GALNTL6: variants seen among roughly 807,000 people sequenced by gnomAD.
GALNTL6 encodes polypeptide N-acetylgalactosaminyltransferase like 6.
A neutral mutation model predicts 73.7 loss-of-function variants in GALNTL6; 46 were observed. That is an observed-to-expected ratio of 0.62 (90% confidence interval 0.49 to 0.80). The LOEUF (loss-of-function observed/expected upper bound fraction) is 0.80, where lower values mean the gene tolerates loss of function less well. Ranked by LOEUF, GALNTL6 falls within the 30% of genes least tolerant of loss-of-function variation. The pLI is 0.00. For synonymous variants in GALNTL6, 259 were observed against 263.7 expected, an observed-to-expected ratio of 0.98 and a Z score of 0.17; for missense variants, 604 against 755.0, an observed-to-expected ratio of 0.80 and a Z score of 2.34.
At chr4:172,849,335 C>T (rs956236647) in intron 7 of GALNTL6, among the ~76,000 whole-genome samples, 17 of 152,004 alleles carry the variant, frequency 1.1e-4, no homozygotes, top group African/African-American at 4.1e-4. Context: ...AGGTGCACCT[C>T]AGAAAATAAC....
At position 172,613,632 on chromosome 4, in the gene GALNTL6, T is replaced by G. The variant is rs917397547; in HGVS notation, c.554-195729T>G. ...CTATGATTAATATTTCAGCAAAATG[T>G]GTTTTTTGGAATTTATAAATATTAT... is the stretch of plus-strand genomic sequence containing the variant. On this transcript the variant is annotated intron_variant, in intron 5 of 12. Coordinates refer to ENST00000506823, the MANE Select transcript of GALNTL6 (RefSeq NM_001034845.3). Among the ~76,000 whole-genome samples the G allele has an allele frequency of 3.9e-4, 59 of 152,276 alleles. 1 individual carries two copies. The highest frequency in any genetic ancestry group is 1.5e-4 in the Non-Finnish European group (10 of 67,996).
chr4:172,357,884 A>G (rs1742222935), intron 5 of GALNTL6, among the ~76,000 whole-genome samples: 1 of 152,144 alleles, frequency 6.6e-6, no homozygotes, highest in Non-Finnish European at 1.5e-5. Flanking sequence ...CTTCTGCAAA[A>G]TTATTAAGTC....
intron 7 of GALNTL6, among the ~76,000 whole-genome samples, chr4:172,859,062 A>G (rs1744261360): frequency 6.6e-6 from 1 of 151,462 alleles, no homozygotes; most frequent in Non-Finnish European, 1.5e-5. Flanking sequence ...AAAAAAAACA[A>G]TGATAAAGGA....
At chr4:173,027,399 T>G (rs924863657) in intron 12 of GALNTL6, among the ~76,000 whole-genome samples, 1 of 152,256 alleles carries the variant, frequency 6.6e-6, no homozygotes, top group Non-Finnish European at 1.5e-5. Context: ...CACCATTTAT[T>G]TAAAAGACCA....
In GALNTL6 at chr4:172,522,677, C is replaced by A. The variant is rs1358663744; in HGVS notation, c.553+173988C>A. Among the ~76,000 whole-genome samples the A allele has an allele frequency of 8.6e-5, 7 of 81,014 alleles. No homozygotes were observed. The South Asian group carries it at 1.9e-3, about 22-fold the overall frequency. 53.1% of individuals were successfully genotyped at this position (81,014 alleles called of 152,430 possible). ...GAGTGAAACTCAGTCCCCCCCCCCCCCAAAAAAAAAGTGTATTTTACTGTA... is the reference window on the plus strand; with the variant it reads ...GAGTGAAACTCAGTCCCCCCCCCCCACAAAAAAAAAGTGTATTTTACTGTA... On this transcript the variant is annotated intron_variant, in intron 5 of 12. Transcript: ENST00000506823.
intron 3 of GALNTL6, among the ~76,000 whole-genome samples, chr4:172,280,749 C>A (rs1442675010): frequency 1.3e-5 from 2 of 151,988 alleles, no homozygotes; most frequent in Non-Finnish European, 2.9e-5. Context: ...TATACACCAA[C>A]CATAAACTGA....
rs77470069 is a variant in GALNTL6 at position 172,937,052 on chromosome 4, G to C, written c.1149+5784G>C. On this transcript the variant is annotated intron_variant, in intron 9 of 12. Coordinates refer to ENST00000506823, the MANE Select transcript of GALNTL6 (RefSeq NM_001034845.3). Reference sequence around the variant, plus strand: ...TTTAGCAGAGTACCAAGTAGAAATGGGCAGGCAGAGAGTTACGGAGGGTGT... The same window carrying C: ...TTTAGCAGAGTACCAAGTAGAAATGCGCAGGCAGAGAGTTACGGAGGGTGT... 2.4e-3 allele frequency among the ~76,000 whole-genome samples: 364 copies of C among 151,962 alleles called. 1 individual carries two copies. Among genetic ancestry groups the C allele is most frequent in the African/African-American group, 8.4e-3 (346 of 41,424 alleles).
chr4:172,675,807 C>G (rs994399095), intron 5 of GALNTL6, among the ~76,000 whole-genome samples: 1 of 152,156 alleles, frequency 6.6e-6, no homozygotes, highest in Non-Finnish European at 1.5e-5. Flanking sequence ...AATAAGGAAT[C>G]ACTATGCCCT....
intron 2 of GALNTL6, among the ~76,000 whole-genome samples, chr4:171,990,747 A>G (rs1048904000): frequency 1.3e-5 from 2 of 152,250 alleles, no homozygotes; most frequent in South Asian, 2.1e-4. Context: ...GAAACAATGC[A>G]TCTTTTATAA....
intron 5 of GALNTL6, among the ~76,000 whole-genome samples, chr4:172,765,386 A>G (rs139803063): frequency 3.9e-5 from 6 of 152,334 alleles, no homozygotes; most frequent in Non-Finnish European, 7.4e-5. Context: ...AAATTACTAT[A>G]TGAATCCCAA....
chr4:172,022,133 A>G (rs1366822327), intron 2 of GALNTL6, among the ~76,000 whole-genome samples: 10 of 152,022 alleles, frequency 6.6e-5, no homozygotes, highest in Admixed American at 5.9e-4. Context: ...GAAACAATCA[A>G]TAAGGTGAAG....
intron 3 of GALNTL6, among the ~76,000 whole-genome samples, chr4:172,273,232 A>G (rs1291354557): frequency 6.6e-6 from 1 of 152,160 alleles, no homozygotes; most frequent in Admixed American, 6.6e-5. Context: ...TTTTTAAAAA[A>G]TATAATATAT....
At chr4:172,071,991 A>G (rs903596200) in intron 2 of GALNTL6, among the ~76,000 whole-genome samples, 1 of 152,172 alleles carries the variant, frequency 6.6e-6, no homozygotes, top group Non-Finnish European at 1.5e-5. Context: ...TTGGCTTCCA[A>G]GATGGTTACT....
intron 4 of GALNTL6, among the ~76,000 whole-genome samples, chr4:172,331,529 A>G (rs1561029740): frequency 6.6e-6 from 1 of 152,210 alleles, no homozygotes; most frequent in Non-Finnish European, 1.5e-5. Context: ...GTTGATTAGT[A>G]GCTTCCCAGC....
intron 5 of GALNTL6, among the ~76,000 whole-genome samples, chr4:172,803,038 T>A (rs1173232038): frequency 6.6e-6 from 1 of 152,236 alleles, no homozygotes; most frequent in Non-Finnish European, 1.5e-5. Flanking sequence ...TGAGTTGGTC[T>A]GGCAATATTT....
chr4:172,558,708 T>G (rs1425543869), intron 5 of GALNTL6, among the ~76,000 whole-genome samples: 1 of 152,176 alleles, frequency 6.6e-6, no homozygotes, highest in Non-Finnish European at 1.5e-5. Flanking sequence ...AGTATATGCT[T>G]GTCAAAACTT....
chr4:172,561,296 G>A (rs1371039022), intron 5 of GALNTL6, among the ~76,000 whole-genome samples: 1 of 144,458 alleles, frequency 6.9e-6, no homozygotes, highest in Non-Finnish European at 1.5e-5. Context: ...TATTGCCCAA[G>A]TTCACACAGC....
chr4:172,088,477 G>C (rs922695459), intron 2 of GALNTL6, among the ~76,000 whole-genome samples: 1 of 152,158 alleles, frequency 6.6e-6, no homozygotes, highest in African/African-American at 2.4e-5. Context: ...TCTTCATAGG[G>C]GAAGAAGAGT....
rs72992496 is a variant in GALNTL6 at position 172,118,882 on chromosome 4, A to G, written c.139-110774A>G. Reference sequence around the variant, plus strand: ...CTACTCCTGAAATGAGAAATAGACAATGCTTCTAGCTTTTTTCCAGACTTT... The same window carrying G: ...CTACTCCTGAAATGAGAAATAGACAGTGCTTCTAGCTTTTTTCCAGACTTT... On this transcript the variant is annotated intron_variant, in intron 2 of 12. Coordinates refer to ENST00000506823, the MANE Select transcript of GALNTL6 (RefSeq NM_001034845.3). Among the ~76,000 whole-genome samples the G allele has an allele frequency of 9.1e-3, 1,378 of 152,066 alleles. 25 individuals carry two copies. Among genetic ancestry groups the G allele is most frequent in the African/African-American group, 0.03 (1,265 of 41,496 alleles).
Sources: gnomAD v4.1 joint callset for allele counts (sites outside exome capture counted in the v4.1 genomes callset) on GRCh38, gnomAD v4.1.1 for gene constraint, MANE v1.5 for transcripts, NCBI Gene and HGNC (gene_info 2026-07-23, HGNC 2026-07-21) for gene names.